Variants in CAMTA1 observed in about 807,000 individuals in gnomAD.
CAMTA1 encodes calmodulin binding transcription activator 1.
In CAMTA1, 27 loss-of-function variants were observed where a neutral mutation model predicts 170.9. That is an observed-to-expected ratio of 0.16 (90% CI 0.12 to 0.22). The LOEUF (loss-of-function observed/expected upper bound fraction) is 0.22. Among genes scored for constraint, CAMTA1 ranks in the 10% least tolerant of loss-of-function variants. The pLI, the probability that CAMTA1 is intolerant of heterozygous loss-of-function variation, is 1.00. For missense variants in CAMTA1, 1,619 were observed against 2,217.2 expected (o/e 0.73, Z 5.42); for synonymous variants, 833 against 891.5 (o/e 0.93, Z 1.17).
intron 1 of CAMTA1, among the ~76,000 whole-genome samples, chr1:6,794,175 A>G (rs1171064556): frequency 6.6e-6 from 1 of 152,206 alleles, no homozygotes; most frequent in Admixed American, 6.5e-5. Context: ...CGCTTAGAGG[A>G]CAAATAAGTT....
At chr1:7,474,474 C>T (rs2093387780) in intron 6 of CAMTA1, among the ~76,000 whole-genome samples, 2 of 152,232 alleles carry the variant, frequency 1.3e-5, no homozygotes, top group African/African-American at 2.4e-5. Context: ...GTCCCTGGCA[C>T]AGGGCAAGCA....
At position 7,744,822 on chromosome 1, in the gene CAMTA1, C is replaced by T. The variant is rs370484517; in HGVS notation, c.4183-13C>T. 7.5e-6 allele frequency: 12 copies of T among 1,608,720 alleles called. No individual in the cohort carries two copies. The highest frequency in any genetic ancestry group is 1.0e-5 in the Non-Finnish European group (12 of 1,177,364). On this transcript the variant is annotated splice_polypyrimidine_tract_variant and intron_variant, in intron 16 of 22. Coordinates refer to ENST00000303635, the MANE Select transcript of CAMTA1 (RefSeq NM_015215.4). ...CTTTCTAACCTGAGTGTTCTGTGAA[C>T]TTCTGACTTCAGGTGAACATGATGA...
intron 3 of CAMTA1, among the ~76,000 whole-genome samples, chr1:6,959,334 G>A (rs1689988849): frequency 1.3e-5 from 2 of 152,192 alleles, no homozygotes; most frequent in Admixed American, 6.5e-5. Context: ...GTCCCCCATA[G>A]GACACGGGGA....
At chr1:7,400,816 C>G (rs183490262) in intron 5 of CAMTA1, among the ~76,000 whole-genome samples, 3 of 152,304 alleles carry the variant, frequency 2.0e-5, no homozygotes, top group African/African-American at 7.2e-5. Context: ...TGATCCACCC[C>G]ACTTGGGTGC....
intron 6 of CAMTA1, among the ~76,000 whole-genome samples, chr1:7,601,035 C>A (rs887272100): frequency 6.6e-6 from 1 of 152,182 alleles, no homozygotes. Flanking sequence ...GGCAGAGGGG[C>A]TCCTCACTTC....
At position 7,146,855 on chromosome 1, in the gene CAMTA1, A is replaced by G. The variant is rs1318751329; in HGVS notation, c.302+55484A>G. On this transcript the variant is annotated intron_variant, in intron 4 of 22. Coordinates refer to ENST00000303635, the MANE Select transcript of CAMTA1 (RefSeq NM_015215.4). This position sits in a 1 kb window ranked among gnomAD's most constrained non-coding sequence, Gnocchi z 4.3. The stretch of plus-strand genomic sequence containing the variant: ...ACACATATACCATGCACACACAAAC[A>G]CAAAGACACAACATGTACACAGACA... 6.6e-6 allele frequency among the ~76,000 whole-genome samples: 1 copy of G among 152,054 alleles called. No homozygotes were observed. Among genetic ancestry groups the G allele is most frequent in the Non-Finnish European group, 1.5e-5 (1 of 68,014 alleles).
chr1:7,716,063 C>T (rs1193100329), intron 11 of CAMTA1, among the ~76,000 whole-genome samples: 3 of 152,190 alleles, frequency 2.0e-5, no homozygotes, highest in African/African-American at 7.2e-5. Flanking sequence ...AACAGGGTCT[C>T]ACTCTGTTGC....
chr1:7,378,917 C>T (rs956992842), intron 5 of CAMTA1, among the ~76,000 whole-genome samples: 3 of 152,114 alleles, frequency 2.0e-5, no homozygotes, highest in African/African-American at 4.8e-5. Flanking sequence ...TTCCTTAGCT[C>T]ATATCTTGCA....
chr1:7,077,566 C>G (rs1337402001), intron 3 of CAMTA1, among the ~76,000 whole-genome samples: 1 of 152,024 alleles, frequency 6.6e-6, no homozygotes, highest in Non-Finnish European at 1.5e-5. Context: ...TAGGGCTTCT[C>G]TGGAGCTGTC....
chr1:6,919,827 G>A (rs1409096071), intron 3 of CAMTA1, among the ~76,000 whole-genome samples: 2 of 152,144 alleles, frequency 1.3e-5, no homozygotes, highest in Non-Finnish European at 1.5e-5. Flanking sequence ...CGGATCTCAG[G>A]AGACTTATTC....
intron 4 of CAMTA1, among the ~76,000 whole-genome samples, chr1:7,171,271 T>G (rs537942674): frequency 6.6e-6 from 1 of 152,368 alleles, no homozygotes; most frequent in Admixed American, 6.5e-5. Context: ...GTTCAGAGTA[T>G]GTGCAATTGC....
intron 5 of CAMTA1, among the ~76,000 whole-genome samples, chr1:7,316,835 T>C (rs984757209): frequency 6.6e-6 from 1 of 152,134 alleles, no homozygotes; most frequent in Non-Finnish European, 1.5e-5. Context: ...TCAGGAGGAT[T>C]CTCAGAGGCT....
rs537045098 is a variant in CAMTA1, at chr1:7,505,275, A to G, written c.510+37374A>G. ...AGGACTGGCTGCAGCTGCTCCCACC[A>G]CATCCCCGGCAGCCAAGTCGAGGCT... On this transcript the variant is annotated intron_variant, in intron 6 of 22. Transcript: ENST00000303635. Among the ~76,000 whole-genome samples the G allele has an allele frequency of 7.0e-4, 106 of 152,264 alleles. No homozygotes were observed. The East Asian group carries it at 0.016, about 23-fold the overall frequency.
chr1:6,931,480 G>A (rs2149376092), intron 3 of CAMTA1, among the ~76,000 whole-genome samples: 1 of 152,270 alleles, frequency 6.6e-6, no homozygotes, highest in Non-Finnish European at 1.5e-5. Flanking sequence ...GGAAGCGCCA[G>A]GCATTTTTTT....
chr1:6,985,980 T>C (rs1695292570), intron 3 of CAMTA1, among the ~76,000 whole-genome samples: 1 of 152,228 alleles, frequency 6.6e-6, no homozygotes, highest in African/African-American at 2.4e-5. Context: ...TTTCCGGCCC[T>C]ACCTGTTTCC....
intron 6 of CAMTA1, among the ~76,000 whole-genome samples, chr1:7,604,368 C>T (rs1050425613): frequency 6.6e-6 from 1 of 152,182 alleles, no homozygotes; most frequent in Non-Finnish European, 1.5e-5. Context: ...TTCTTGGAGG[C>T]TTGTTTGTTT....
At position 7,261,111 on chromosome 1, in the gene CAMTA1, C is replaced by T. The variant is rs761619199; in HGVS notation, c.438+11485C>T. Among the ~76,000 whole-genome samples the T allele has an allele frequency of 5.3e-5, 8 of 152,110 alleles. 1 individual carries two copies. Among genetic ancestry groups the T allele is most frequent in the Non-Finnish European group, 1.0e-4 (7 of 68,020 alleles). ...CTCTTGAGAATCCTTCCTTAGGGAG[C>T]GTACATATCAATACTTTCTTCTCGA... On this transcript the variant is annotated intron_variant, in intron 5 of 22. Coordinates refer to ENST00000303635, the MANE Select transcript of CAMTA1 (RefSeq NM_015215.4).
Position 7,723,351 on chromosome 1 carries a change from C to G in CAMTA1, c.2915-9097C>G, listed in dbSNP as rs139174504. 2.8e-4 allele frequency among the ~76,000 whole-genome samples: 42 copies of G among 152,152 alleles called. 2 individuals carry two copies. In the East Asian group the frequency reaches 8.1e-3, roughly 29 times the overall value. The stretch of plus-strand genomic sequence containing the variant: ...GCCAAAGCTGGAACACTTGGAGCAA[C>G]AAAATAAATAACAGTATCAGATTGT... On this transcript the variant is annotated intron_variant, in intron 11 of 22. Transcript: ENST00000303635.
intron 5 of CAMTA1, among the ~76,000 whole-genome samples, chr1:7,341,168 C>T (rs1158463749): frequency 6.6e-6 from 1 of 152,212 alleles, no homozygotes; most frequent in Non-Finnish European, 1.5e-5. Context: ...AGCTCTGGCT[C>T]ATGTTTGCTG....
Sources: allele counts gnomAD v4.1 joint callset (sites outside exome capture counted in the v4.1 genomes callset), GRCh38; gene constraint gnomAD v4.1.1; non-coding constraint Gnocchi (gnomAD v3.1); transcripts MANE v1.5; gene names NCBI Gene and HGNC (gene_info 2026-07-23, HGNC 2026-07-21).